The following DRC5 variants were observed in gnomAD, a reference collection of about 807,000 sequenced individuals.
The protein encoded by DRC5 is dynein regulatory complex subunit 5, also known as T-complex-associated testis-expressed protein 1.
the DRC5 span, chr6:44,286,672 CA>C: frequency 1.4e-6 from 1 of 713,750 alleles, no homozygotes; most frequent in Non-Finnish European, 2.3e-6. Context: ...CCTCTGCTCT[CA>C]GGGGGGCTCA....
chr6:44,287,165 T>C, the DRC5 span: 3 of 983,774 alleles, frequency 3.0e-6, no homozygotes, highest in Non-Finnish European at 1.2e-6. Context: ...GAGCACAAAA[T>C]ATGGAACAAA....
the DRC5 span, chr6:44,279,801 A>G: frequency 1.1e-5 from 2 of 177,628 alleles, no homozygotes; most frequent in East Asian, 1.5e-4. Context: ...GTGTGTTTGA[A>G]GATCAAGGAT....
At chr6:44,292,471 C>G in the DRC5 span, among the ~76,000 whole-genome samples, 2 of 152,370 alleles carry the variant, frequency 1.3e-5, no homozygotes, top group South Asian at 2.1e-4. Context: ...CCGTTCCCCA[C>G]ACCCACACTA....
chr6:44,278,822 G>C, the DRC5 span: 1 of 151,986 alleles, frequency 6.6e-6, no homozygotes, highest in African/African-American at 2.4e-5. Flanking sequence ...ACTTTACACT[G>C]AATGTTCTTG....
At chr6:44,291,622 TGCCAAGGTCCCTCAGAATTCC>T in the DRC5 span, among the ~76,000 whole-genome samples, 1 of 152,212 alleles carries the variant, frequency 6.6e-6, no homozygotes, top group Non-Finnish European at 1.5e-5. Flanking sequence ...ATCTCTCACG[TGCCAAGGTCCCTCAGAATTCC>T]GCCATGGTCG....
At chr6:44,297,170 G>C in the DRC5 span, among the ~76,000 whole-genome samples, 1 of 152,192 alleles carries the variant, frequency 6.6e-6, no homozygotes. Context: ...AGAGGCGCTG[G>C]CTTCTCCTTG....
chr6:44,280,352 G>A, the DRC5 span: 1 of 1,614,116 alleles, frequency 6.2e-7, no homozygotes, highest in South Asian at 1.1e-5. Flanking sequence ...GGAGGGTCTT[G>A]TTGTCTGACA....
the DRC5 span, among the ~76,000 whole-genome samples, chr6:44,294,703 C>G: frequency 0.12 from 16,109 of 135,420 alleles, 1,979 homozygotes; most frequent in African/African-American, 0.33. Context: ...ACCCAGGAGG[C>G]AGAGGTTGCA....
chr6:44,296,157 T>C, the DRC5 span, among the ~76,000 whole-genome samples: 69 of 152,330 alleles, frequency 4.5e-4, no homozygotes, highest in Non-Finnish European at 1.2e-4. Context: ...TTTGTGTCTG[T>C]CTAATGCTCT....
At chr6:44,286,471 G>A in the DRC5 span, 1 of 1,614,164 alleles carries the variant, frequency 6.2e-7, no homozygotes, top group South Asian at 1.1e-5. Context: ...GTAGGTCAGG[G>A]GACAGGTGGT....
chr6:44,281,397 T>C, the DRC5 span, among the ~76,000 whole-genome samples: 1 of 152,258 alleles, frequency 6.6e-6, no homozygotes, highest in African/African-American at 2.4e-5. Context: ...ATTGCATTTT[T>C]TTTTTGAGAC....
At chr6:44,283,876 G>A in the DRC5 span, among the ~76,000 whole-genome samples, 2 of 152,212 alleles carry the variant, frequency 1.3e-5, no homozygotes, top group African/African-American at 4.8e-5. Context: ...TTCAGCAGGT[G>A]AACTCTCCTC....
the DRC5 span, among the ~76,000 whole-genome samples, chr6:44,290,586 C>A: frequency 6.6e-6 from 1 of 152,122 alleles, no homozygotes; most frequent in Non-Finnish European, 1.5e-5. Context: ...ATAGACAGTA[C>A]GACAGAGGCA....
the DRC5 span, among the ~76,000 whole-genome samples, chr6:44,283,823 C>T: frequency 6.6e-6 from 1 of 152,348 alleles, no homozygotes; most frequent in East Asian, 1.9e-4. Context: ...CAGCTTTTTG[C>T]AGCCTCCTCA....
At chr6:44,289,757 C>T in the DRC5 span, among the ~76,000 whole-genome samples, 2 of 152,196 alleles carry the variant, frequency 1.3e-5, no homozygotes, top group Admixed American at 6.5e-5. Flanking sequence ...TGTCTTGGTC[C>T]GGGGACCCTC....
the DRC5 span, chr6:44,287,517 C>T: frequency 6.3e-7 from 1 of 1,577,954 alleles, no homozygotes; most frequent in Middle Eastern, 1.7e-4. Flanking sequence ...TCTTGGCCTT[C>T]TCCTGCCCAC....
At chr6:44,280,326 C>G in the DRC5 span, 1 of 1,614,142 alleles carries the variant, frequency 6.2e-7, no homozygotes, top group Non-Finnish European at 8.5e-7. Context: ...ATCTGACAGG[C>G]GCAAGTCAAA....
At chr6:44,282,212 AC>A in the DRC5 span, 1 of 1,614,164 alleles carries the variant, frequency 6.2e-7, no homozygotes. Context: ...GCTCATTGCC[AC>A]CGAGGTGCAG....
the DRC5 span, among the ~76,000 whole-genome samples, chr6:44,283,871 C>T: frequency 6.6e-6 from 1 of 152,218 alleles, no homozygotes; most frequent in Non-Finnish European, 1.5e-5. Flanking sequence ...CCTCTTTCAG[C>T]AGGTGAACTC....
Sources: allele counts gnomAD v4.1 joint callset (sites outside exome capture counted in the v4.1 genomes callset), GRCh38; gene constraint gnomAD v4.1.1; transcripts MANE v1.5; gene names NCBI Gene and HGNC (gene_info 2026-07-23, HGNC 2026-07-21).